MBD5: variants seen among roughly 807,000 people sequenced by gnomAD.
MBD5 encodes the protein methyl-CpG-binding domain protein 5.
Under a neutral mutation model 117.3 loss-of-function variants are expected in MBD5, and 13 were observed. The ratio of observed to expected loss-of-function variants is 0.11; its 90% CI spans 0.07 to 0.18. MBD5 has a LOEUF of 0.18. MBD5 is among the 10% of genes least tolerant of loss of function. MBD5 has a pLI of 1.00. For missense variants in MBD5, 1,879 were observed against 2,093.8 expected (o/e 0.90, Z 2.00); for synonymous variants, 727 against 766.4 (o/e 0.95, Z 0.85).
intron 10 of MBD5, among the ~76,000 whole-genome samples, chr2:148,487,034 C>A (rs966179118): frequency 6.6e-6 from 1 of 152,054 alleles, no homozygotes; most frequent in Non-Finnish European, 1.5e-5. Flanking sequence ...AATTATGAAC[C>A]ACTCCATCAG....
intron 1 of MBD5, among the ~76,000 whole-genome samples, chr2:148,162,333 ATCTTCAC>A (rs1698023710): frequency 6.6e-6 from 1 of 152,230 alleles, no homozygotes; most frequent in East Asian, 1.9e-4. Flanking sequence ...CAAATAACTT[ATCTTCAC>A]TCATTCATTG....
chr2:148,120,988 TACTC>T (rs1338149601), intron 1 of MBD5, among the ~76,000 whole-genome samples: 3 of 152,320 alleles, frequency 2.0e-5, no homozygotes, highest in East Asian at 3.9e-4. Flanking sequence ...GATTTAAAAA[TACTC>T]ACAGCATTTT....
At chr2:148,368,361 A>G (rs1703762332) in intron 4 of MBD5, among the ~76,000 whole-genome samples, 1 of 152,134 alleles carries the variant, frequency 6.6e-6, no homozygotes, top group African/African-American at 2.4e-5. Flanking sequence ...GCATTAGGAG[A>G]AATACCTAAT....
intron 1 of MBD5, among the ~76,000 whole-genome samples, chr2:148,172,154 C>G (rs1698278095): frequency 6.6e-6 from 1 of 152,178 alleles, no homozygotes. Context: ...GAGGTGCAGC[C>G]AAAGCTGGGT....
intron 8 of MBD5, among the ~76,000 whole-genome samples, chr2:148,475,574 C>T (rs1173415614): frequency 6.6e-6 from 1 of 151,986 alleles, no homozygotes; most frequent in Non-Finnish European, 1.5e-5. Flanking sequence ...TATTTTGTAC[C>T]TTTCAAGAAA....
At chr2:148,431,809 T>C (rs1234190892) in intron 4 of MBD5, among the ~76,000 whole-genome samples, 1 of 152,152 alleles carries the variant, frequency 6.6e-6, no homozygotes, top group Non-Finnish European at 1.5e-5. Context: ...GTTGATTCCA[T>C]GTCTGTCCTG....
At chr2:148,290,024 T>C (rs1220275867) in intron 3 of MBD5, among the ~76,000 whole-genome samples, 3 of 150,064 alleles carry the variant, frequency 2.0e-5, no homozygotes, top group African/African-American at 7.4e-5. Flanking sequence ...AGCACGATCT[T>C]AGCTCACTGC....
chr2:148,404,898 A>C (rs1322509743), intron 4 of MBD5, among the ~76,000 whole-genome samples: 1 of 152,110 alleles, frequency 6.6e-6, no homozygotes, highest in African/African-American at 2.4e-5. Flanking sequence ...TGAAATTTGA[A>C]ATATAATTTT....
At chr2:148,239,372 G>T (rs536751264) in intron 3 of MBD5, among the ~76,000 whole-genome samples, 1 of 152,102 alleles carries the variant, frequency 6.6e-6, no homozygotes, top group East Asian at 1.9e-4. Context: ...CAAACAATAG[G>T]TTTACAGATT....
chr2:148,338,471 A>G (rs1247127736), intron 3 of MBD5, among the ~76,000 whole-genome samples: 2 of 152,182 alleles, frequency 1.3e-5, no homozygotes, highest in Non-Finnish European at 2.9e-5. Context: ...TTTGTACATA[A>G]TAATCAGTAA....
chr2:148,352,698 G>A (rs1703275375), intron 4 of MBD5, among the ~76,000 whole-genome samples: 1 of 152,092 alleles, frequency 6.6e-6, no homozygotes, highest in South Asian at 2.1e-4. Flanking sequence ...GAGTGTATCA[G>A]TAGTTTGTTC....
At chr2:148,437,058 C>G (rs748374955) in intron 4 of MBD5, among the ~76,000 whole-genome samples, 2 of 152,144 alleles carry the variant, frequency 1.3e-5, no homozygotes, top group Non-Finnish European at 2.9e-5. Context: ...TCTCGGCTCA[C>G]TGCAACCTCC....
chr2:148,483,905 CA>C lies in MBD5; in HGVS notation c.3315del (p.Glu1106ArgfsTer4). ...NSASANTANH[P>X]EVSIATSSQA... ...GCATCGGCCAACACCGCTAATCATC[CA>C]GAGGTTTCCATAGCAACCTCCTCCC... On this transcript the variant is annotated frameshift_variant, in exon 9 of 14. Transcript: ENST00000642680. LOFTEE classifies it high-confidence loss of function. The C allele has an allele frequency of 6.4e-7, 1 of 1,550,564 alleles. No homozygotes were observed. The highest frequency in any genetic ancestry group is 8.7e-7 in the Non-Finnish European group (1 of 1,146,956).
At chr2:148,425,802 T>C (rs1422794959) in intron 4 of MBD5, among the ~76,000 whole-genome samples, 1 of 152,198 alleles carries the variant, frequency 6.6e-6, no homozygotes, top group Non-Finnish European at 1.5e-5. Context: ...ATTATCTCAA[T>C]AGATGCAGAA....
chr2:148,451,008 T>C (rs1342472174), intron 4 of MBD5, among the ~76,000 whole-genome samples: 2 of 152,162 alleles, frequency 1.3e-5, no homozygotes, highest in African/African-American at 4.8e-5. Context: ...AATATAACTT[T>C]CCTACATCAT....
intron 12 of MBD5, among the ~76,000 whole-genome samples, chr2:148,508,275 A>G (rs571873421): frequency 6.6e-6 from 1 of 152,344 alleles, no homozygotes; most frequent in Non-Finnish European, 1.5e-5. Context: ...AAGACAGTAC[A>G]TACATAATAA....
At chr2:148,316,295 T>C (rs1441835623) in intron 3 of MBD5, among the ~76,000 whole-genome samples, 2 of 152,314 alleles carry the variant, frequency 1.3e-5, no homozygotes, top group African/African-American at 4.8e-5. Context: ...CCTATAAAAC[T>C]TACTTGATAC....
intron 3 of MBD5, among the ~76,000 whole-genome samples, chr2:148,335,441 T>C (rs916688003): frequency 1.5e-4 from 23 of 152,096 alleles, no homozygotes; most frequent in African/African-American, 5.3e-4. Context: ...AAGGAAAGGC[T>C]GAGCATGGGG....
intron 8 of MBD5, among the ~76,000 whole-genome samples, chr2:148,480,643 T>C (rs1442118321): frequency 6.6e-6 from 1 of 152,106 alleles, no homozygotes; most frequent in Non-Finnish European, 1.5e-5. Context: ...ATCCATACTA[T>C]CTATGGAAAT....
Sources: allele counts gnomAD v4.1 joint callset (sites outside exome capture counted in the v4.1 genomes callset), GRCh38; gene constraint gnomAD v4.1.1; transcripts MANE v1.5; gene names NCBI Gene and HGNC (gene_info 2026-07-23, HGNC 2026-07-21).